The following AUH variants were observed in gnomAD, a reference collection of about 807,000 sequenced individuals.
AUH encodes methylglutaconyl-CoA hydratase, mitochondrial.
AUH carries 29 observed loss-of-function variants against 42.3 expected under a neutral mutation model. The observed-to-expected ratio is 0.69, with a 90% CI of 0.51 to 0.93. The LOEUF (loss-of-function observed/expected upper bound fraction) is 0.93. Ranked by LOEUF, AUH falls within the 40% of genes least tolerant of loss-of-function variation. The pLI, the probability that AUH is intolerant of heterozygous loss-of-function variation, is 0.00. For synonymous variants in AUH, 174 were observed against 166.4 expected, an observed-to-expected ratio of 1.05 and a Z score of -0.35; for missense variants, 452 against 438.1, an observed-to-expected ratio of 1.03 and a Z score of -0.28.
At chr9:91,348,092 C>T (rs891318481) in intron 3 of AUH, among the ~76,000 whole-genome samples, 16 of 148,528 alleles carry the variant, frequency 1.1e-4, no homozygotes, top group African/African-American at 4.0e-4. Flanking sequence ...AAAAAAAAAA[C>T]CTTACAACTC....
At chr9:91,245,288 T>C (rs902461302) in intron 6 of AUH, among the ~76,000 whole-genome samples, 2 of 152,116 alleles carry the variant, frequency 1.3e-5, no homozygotes, top group Non-Finnish European at 2.9e-5. Context: ...TGGGCAGAAC[T>C]GTGAAAAGTA....
chr9:91,244,977 A>G (rs1169763063), intron 6 of AUH, among the ~76,000 whole-genome samples: 5 of 152,230 alleles, frequency 3.3e-5, no homozygotes, highest in Non-Finnish European at 7.3e-5. Context: ...CAAATTTAAA[A>G]TGTATATTGC....
chr9:91,235,152 A>G (rs1424288273), intron 6 of AUH, among the ~76,000 whole-genome samples: 6 of 152,122 alleles, frequency 3.9e-5, no homozygotes, highest in African/African-American at 1.4e-4. Context: ...CAAGTGACAT[A>G]ATTTGATCTG....
intron 6 of AUH, among the ~76,000 whole-genome samples, chr9:91,269,349 T>C (rs549893536): frequency 1.3e-5 from 2 of 152,342 alleles, no homozygotes; most frequent in Admixed American, 1.3e-4. Context: ...ATAGATTAAT[T>C]CACAGAAACA....
chr9:91,242,046 T>A (rs895174187), intron 6 of AUH, among the ~76,000 whole-genome samples: 6 of 152,244 alleles, frequency 3.9e-5, no homozygotes, highest in Non-Finnish European at 8.8e-5. Flanking sequence ...CTGGCTCTCC[T>A]GCTTCCAGGC....
chr9:91,335,203 G>A (rs760582503), intron 3 of AUH, among the ~76,000 whole-genome samples: 2 of 152,092 alleles, frequency 1.3e-5, no homozygotes, highest in East Asian at 1.9e-4. Flanking sequence ...ATTGTGGCCC[G>A]GTGCTTTCTG....
At chr9:91,215,846 T>G (rs979233476) in intron 9 of AUH, among the ~76,000 whole-genome samples, 1 of 152,208 alleles carries the variant, frequency 6.6e-6, no homozygotes, top group Non-Finnish European at 1.5e-5. Flanking sequence ...TCTAAGAGTT[T>G]TCTAGATTAT....
At chr9:91,286,599 T>C (rs554547818) in intron 6 of AUH, among the ~76,000 whole-genome samples, 4 of 151,540 alleles carry the variant, frequency 2.6e-5, no homozygotes, top group African/African-American at 9.7e-5. Context: ...AAACACAAAA[T>C]GAAACATGCA....
intron 4 of AUH, among the ~76,000 whole-genome samples, chr9:91,309,155 T>C (rs1828500337): frequency 6.6e-6 from 1 of 151,270 alleles, no homozygotes; most frequent in African/African-American, 2.4e-5. Flanking sequence ...CTCATGCCTG[T>C]AATCCCAGCA....
At chr9:91,275,577 T>C (rs1478856504) in intron 6 of AUH, among the ~76,000 whole-genome samples, 1 of 152,194 alleles carries the variant, frequency 6.6e-6, no homozygotes, top group African/African-American at 2.4e-5. Context: ...CTCAACCACT[T>C]GACAGAGTGA....
chr9:91,228,608 T>C (rs1827669782), intron 6 of AUH, among the ~76,000 whole-genome samples: 1 of 145,410 alleles, frequency 6.9e-6, no homozygotes, highest in Non-Finnish European at 1.5e-5. Context: ...TTTGAATGTG[T>C]TTGCTCTTGC....
intron 6 of AUH, among the ~76,000 whole-genome samples, chr9:91,286,318 C>T (rs1826404079): frequency 6.6e-6 from 1 of 152,076 alleles, no homozygotes; most frequent in South Asian, 2.1e-4. Context: ...ACAGTAATGC[C>T]CCCAGATCCC....
At chr9:91,328,822 T>G (rs1273902258) in intron 3 of AUH, among the ~76,000 whole-genome samples, 1 of 152,182 alleles carries the variant, frequency 6.6e-6, no homozygotes, top group Non-Finnish European at 1.5e-5. Flanking sequence ...AGTATAGAAT[T>G]CAAGGATTTT....
At chr9:91,261,702 T>C (rs13290292) in intron 6 of AUH, among the ~76,000 whole-genome samples, 258 of 152,340 alleles carry the variant, frequency 1.7e-3, no homozygotes, top group Non-Finnish European at 3.1e-3. Flanking sequence ...GTCTGGAAAA[T>C]GCCTCTAGGC....
At chr9:91,320,607 C>T (rs1480066928) in intron 4 of AUH, among the ~76,000 whole-genome samples, 1 of 152,220 alleles carries the variant, frequency 6.6e-6, no homozygotes, top group East Asian at 1.9e-4. Flanking sequence ...TACTGTGATT[C>T]TGGGGACTGC....
chr9:91,229,313 CTTCT>C (rs1326151013), intron 6 of AUH, among the ~76,000 whole-genome samples: 6 of 147,666 alleles, frequency 4.1e-5, no homozygotes, highest in African/African-American at 1.0e-4. Flanking sequence ...ATGTAATGGC[CTTCT>C]TTGTCTCTTT....
chr9:91,346,495 T>C (rs986040133), intron 3 of AUH, among the ~76,000 whole-genome samples: 3 of 152,170 alleles, frequency 2.0e-5, no homozygotes, highest in African/African-American at 7.2e-5. Flanking sequence ...CAGTTTTCTC[T>C]TTTATAATAA....
chr9:91,216,332 C>T (rs956341971), intron 8 of AUH, among the ~76,000 whole-genome samples: 3 of 152,076 alleles, frequency 2.0e-5, no homozygotes, highest in African/African-American at 7.2e-5. Context: ...TTTAACCTCT[C>T]TGTGCTTCAA....
At chr9:91,346,114 C>G (rs1449834589) in intron 3 of AUH, among the ~76,000 whole-genome samples, 1 of 152,032 alleles carries the variant, frequency 6.6e-6, no homozygotes, top group Non-Finnish European at 1.5e-5. Flanking sequence ...TCCTAACATG[C>G]CCTTCTCAAC....
Sources: gnomAD v4.1 joint callset for allele counts (sites outside exome capture counted in the v4.1 genomes callset) on GRCh38, gnomAD v4.1.1 for gene constraint, MANE v1.5 for transcripts, NCBI Gene and HGNC (gene_info 2026-07-23, HGNC 2026-07-21) for gene names.